MCPH1: variants seen among roughly 807,000 people sequenced by gnomAD.
MCPH1 encodes the protein microcephalin 1.
MCPH1 carries 104 observed loss-of-function variants against 84.5 expected under a neutral mutation model. That is an observed-to-expected ratio of 1.23 (90% CI 1.05 to 1.45). The LOEUF (loss-of-function observed/expected upper bound fraction) is 1.45, where lower values mean the gene tolerates loss of function less well. Ranked by LOEUF, MCPH1 falls within the 40% of genes most tolerant of loss-of-function variation. The pLI is 0.00. For missense variants in MCPH1, 1,498 were observed against 1,005.7 expected, an observed-to-expected ratio of 1.49 and a Z score of -6.62; for synonymous variants, 514 against 366.8, an observed-to-expected ratio of 1.40 and a Z score of -4.58.
intron 12 of MCPH1, among the ~76,000 whole-genome samples, chr8:6,530,766 T>G (rs1247024359): frequency 6.6e-6 from 1 of 152,184 alleles, no homozygotes; most frequent in Non-Finnish European, 1.5e-5. Flanking sequence ...CTGTAAGTCT[T>G]TTGTTAATCT....
At chr8:6,435,576 G>A (rs1193286571) in intron 4 of MCPH1, among the ~76,000 whole-genome samples, 3 of 152,028 alleles carry the variant, frequency 2.0e-5, no homozygotes, top group Non-Finnish European at 2.9e-5. Flanking sequence ...CCTTAATTTG[G>A]CCCCCGTTCC....
chr8:6,414,902 A>C lies in MCPH1; in HGVS notation c.233+19A>C, dbSNP rs574604845. 12 of 1,612,076 alleles carry C rather than the reference A, an allele frequency of 7.4e-6. No individual in the cohort carries two copies. In the South Asian group the frequency reaches 1.1e-4, roughly 15 times the overall value. On this transcript the variant is annotated intron_variant, in intron 3 of 13. Coordinates refer to ENST00000344683, the MANE Select transcript of MCPH1 (RefSeq NM_024596.5). Reference sequence around the variant, plus strand: ...TGGAAAAGTAAGCAGTTTCTCTCTTACTTTTTTTCCTTAAGTATCTAGTAT... The same window carrying C: ...TGGAAAAGTAAGCAGTTTCTCTCTTCCTTTTTTTCCTTAAGTATCTAGTAT...
At chr8:6,457,163 C>G (rs1265360874) in intron 9 of MCPH1, among the ~76,000 whole-genome samples, 1 of 152,148 alleles carries the variant, frequency 6.6e-6, no homozygotes, top group Non-Finnish European at 1.5e-5. Context: ...GCCTAACTTG[C>G]TCAAATTTAA....
At chr8:6,619,406 T>G (rs904190234) in intron 12 of MCPH1, among the ~76,000 whole-genome samples, 3 of 152,114 alleles carry the variant, frequency 2.0e-5, no homozygotes, top group African/African-American at 7.2e-5. Context: ...TTCTCCTGCC[T>G]CAGCCTCCCG....
chr8:6,458,613 A>C (rs2129557204), intron 9 of MCPH1, among the ~76,000 whole-genome samples: 1 of 152,208 alleles, frequency 6.6e-6, no homozygotes, highest in Middle Eastern at 3.4e-3. Flanking sequence ...GAATGATATA[A>C]ATTTCTTAAA....
At chr8:6,624,809 T>TGCGTTTC in intron 13 of MCPH1, 1 of 985,364 alleles carries the variant, frequency 1.0e-6, no homozygotes, top group Non-Finnish European at 1.2e-6. Context: ...TCCAGGGCAT[T>TGCGTTTC]GCGTTTCCTG....
At chr8:6,633,729 C>T (rs759888561) in intron 13 of MCPH1, among the ~76,000 whole-genome samples, 12 of 152,164 alleles carry the variant, frequency 7.9e-5, no homozygotes, top group Non-Finnish European at 1.8e-4. Context: ...GCAGGCTGGA[C>T]GCACCCAACG....
Position 6,644,368 on chromosome 8 carries a change from C to T in MCPH1, c.*1319C>T, listed in dbSNP as rs1674859171. The T allele has an allele frequency of 6.6e-6, 1 of 152,086 alleles. No individual in the cohort carries two copies. The highest frequency in any genetic ancestry group is 1.5e-5 in the Non-Finnish European group (1 of 68,026). 9.4% of individuals were successfully genotyped at this position (152,086 alleles called of 1,614,324 possible). Reference sequence around the variant, plus strand: ...CCAGAGTGATCAGGCAAGAATAAGCCATAAAAGGCATCCAAATAGGAAAAG... The same window carrying T: ...CCAGAGTGATCAGGCAAGAATAAGCTATAAAAGGCATCCAAATAGGAAAAG... On this transcript the variant is annotated 3_prime_UTR_variant, in exon 14 of 14. Transcript: ENST00000344683.
chr8:6,634,239 A>C (rs1797375737), intron 13 of MCPH1, among the ~76,000 whole-genome samples: 1 of 152,238 alleles, frequency 6.6e-6, no homozygotes, highest in Non-Finnish European at 1.5e-5. Context: ...GGGAACTGTG[A>C]ATATTCAACA....
At chr8:6,505,563 GTATA>G (rs1261793267) in intron 12 of MCPH1, among the ~76,000 whole-genome samples, 2 of 73,230 alleles carry the variant, frequency 2.7e-5, no homozygotes, top group East Asian at 4.4e-4. Flanking sequence ...CTTTATATAT[GTATA>G]TATAGAATGT....
chr8:6,431,901 C>A (rs1801898408), intron 4 of MCPH1, among the ~76,000 whole-genome samples: 1 of 152,172 alleles, frequency 6.6e-6, no homozygotes, highest in Non-Finnish European at 1.5e-5. Context: ...TATCTGTAGC[C>A]AAAATACCTG....
intron 8 of MCPH1, among the ~76,000 whole-genome samples, chr8:6,454,370 G>A (rs541507375): frequency 5.6e-4 from 85 of 152,244 alleles, no homozygotes; most frequent in African/African-American, 1.8e-3. Flanking sequence ...TAACTTTTGC[G>A]TCAAAGTTTG....
At chr8:6,475,026 A>G (rs1455098202) in intron 9 of MCPH1, among the ~76,000 whole-genome samples, 1 of 152,210 alleles carries the variant, frequency 6.6e-6, no homozygotes, top group Admixed American at 6.5e-5. Flanking sequence ...TGGAAGTTCA[A>G]TTTCCTTAAT....
intron 13 of MCPH1, among the ~76,000 whole-genome samples, chr8:6,634,043 T>C (rs903053888): frequency 1.3e-5 from 2 of 152,080 alleles, no homozygotes; most frequent in Admixed American, 6.6e-5. Context: ...GCTTTTGAAG[T>C]TCTATGCTGA....
intron 3 of MCPH1, among the ~76,000 whole-genome samples, chr8:6,429,908 A>G (rs978161267): frequency 1.3e-5 from 2 of 152,142 alleles, no homozygotes; most frequent in Admixed American, 6.5e-5. Context: ...GTCCAAGCTC[A>G]TTAGCTTAGA....
chr8:6,529,848 C>T (rs879377828), intron 12 of MCPH1, among the ~76,000 whole-genome samples: 2 of 150,214 alleles, frequency 1.3e-5, no homozygotes, highest in Non-Finnish European at 3.0e-5. Flanking sequence ...TTCCTGTTAT[C>T]CTGGATAACA....
At chr8:6,585,298 C>A (rs1827879943) in intron 12 of MCPH1, among the ~76,000 whole-genome samples, 1 of 152,210 alleles carries the variant, frequency 6.6e-6, no homozygotes, top group Non-Finnish European at 1.5e-5. Context: ...GATCCGTGCC[C>A]ACCACAGCAG....
chr8:6,426,674 T>C (rs1006645383), intron 3 of MCPH1, among the ~76,000 whole-genome samples: 6 of 152,252 alleles, frequency 3.9e-5, no homozygotes, highest in Non-Finnish European at 8.8e-5. Flanking sequence ...TTCATTTCTC[T>C]TGGGTCATTA....
chr8:6,534,213 A>T (rs976545602), intron 12 of MCPH1, among the ~76,000 whole-genome samples: 1 of 152,248 alleles, frequency 6.6e-6, no homozygotes, highest in African/African-American at 2.4e-5. Context: ...TTTAAAAAAA[A>T]AATAACAATA....
Sources: allele counts gnomAD v4.1 joint callset (sites outside exome capture counted in the v4.1 genomes callset), GRCh38; gene constraint gnomAD v4.1.1; transcripts MANE v1.5; gene names NCBI Gene and HGNC (gene_info 2026-07-23, HGNC 2026-07-21).